ANXA6: variants seen among roughly 807,000 people sequenced by gnomAD.
ANXA6 encodes 67 kDa calelectrin.
ANXA6 carries 71 observed loss-of-function variants against 95.4 expected under a neutral mutation model. The observed-to-expected ratio is 0.74, with a 90% CI of 0.61 to 0.91. ANXA6 has a LOEUF of 0.91. ANXA6 is among the 40% of genes least tolerant of loss of function. The pLI is 0.00. For missense variants in ANXA6, 830 were observed against 876.4 expected (o/e 0.95, Z 0.67); for synonymous variants, 289 against 315.9 (o/e 0.91, Z 0.90).
At chr5:151,149,497 T>A (rs960023075) in intron 1 of ANXA6, among the ~76,000 whole-genome samples, 2 of 151,896 alleles carry the variant, frequency 1.3e-5, no homozygotes, top group Non-Finnish European at 2.9e-5. Context: ...ATTTGATCTC[T>A]TTTTTTTGAG....
chr5:151,135,857 C>T (rs1221896007), intron 7 of ANXA6, among the ~76,000 whole-genome samples: 1 of 152,172 alleles, frequency 6.6e-6, no homozygotes, highest in African/African-American at 2.4e-5. Flanking sequence ...TTGAATTCAG[C>T]CACAGACACC....
intron 2 of ANXA6, 96 bp from the exon 3 acceptor site, chr5:151,140,339 T>G: frequency 9.6e-7 from 1 of 1,046,308 alleles, no homozygotes; most frequent in Non-Finnish European, 1.4e-6. Context: ...TGGTCCAGGC[T>G]GAGCTGCTTT....
Position 151,132,566 on chromosome 5 carries a change from C to T in ANXA6, c.646G>A (p.Asp216Asn), listed in dbSNP as rs774869263. 3.7e-6 allele frequency: 6 copies of T among 1,612,332 alleles called. No individual in the cohort carries two copies. The highest frequency in any genetic ancestry group is 2.2e-5 in the South Asian group (2 of 90,640). ...TTCCCTGTGGTCTTCAGATACTCAT[C>T]GAACACTGCGTCAGACAGAGAGACA... ...RSKQHLRLVF[D>N]EYLKTTGKPI... The change falls in exon 10 of 26, where the codon GAT (aspartate) becomes AAT (asparagine). Residue 216 changes from aspartate (D) to asparagine (N), a missense_variant. Physicochemically the swap from Asp to Asn is conservative, Grantham distance 23. Transcript: ENST00000354546.
At chr5:151,117,433 T>C (rs1765033343) in intron 19 of ANXA6, among the ~76,000 whole-genome samples, 1 of 152,180 alleles carries the variant, frequency 6.6e-6, no homozygotes, top group Admixed American at 6.5e-5. Context: ...ATTTTGGTTA[T>C]GGGAATTCAA....
chr5:151,140,325 AC>A (rs1209962073), intron 2 of ANXA6, 82 bp from the exon 3 acceptor site: 2 of 1,180,056 alleles, frequency 1.7e-6, no homozygotes, highest in Non-Finnish European at 2.5e-6. Context: ...TCAGATGCCT[AC>A]CCTGGTCCAG....
chr5:151,110,330 T>C (rs1201520930), intron 21 of ANXA6, among the ~76,000 whole-genome samples: 1 of 151,790 alleles, frequency 6.6e-6, no homozygotes, highest in Non-Finnish European at 1.5e-5. Context: ...TAGCTACTAG[T>C]TCTATTTATA....
At chr5:151,121,848 G>T (rs557135634) in intron 17 of ANXA6, among the ~76,000 whole-genome samples, 1 of 152,312 alleles carries the variant, frequency 6.6e-6, no homozygotes, top group East Asian at 1.9e-4. Context: ...TGGCGGGATG[G>T]ACATATGCCA....
At chr5:151,115,379 C>T (rs1438415437) in intron 20 of ANXA6, among the ~76,000 whole-genome samples, 1 of 152,132 alleles carries the variant, frequency 6.6e-6, no homozygotes, top group East Asian at 1.9e-4. Flanking sequence ...GGAGAAGCAG[C>T]CGAGTTGGGC....
At chr5:151,134,177 A>C (rs9324677) in intron 8 of ANXA6, among the ~76,000 whole-genome samples, 90,645 of 152,150 alleles carry the variant, frequency 0.6, 27,602 homozygotes, top group African/African-American at 0.73. Flanking sequence ...TAATATCTAA[A>C]AACTGAATGA....
intron 18 of ANXA6, among the ~76,000 whole-genome samples, chr5:151,118,214 C>A (rs1414814481): frequency 2.0e-5 from 3 of 151,762 alleles, no homozygotes; most frequent in Non-Finnish European, 4.4e-5. Context: ...CTCCTGTACT[C>A]AAAAATTCTG....
chr5:151,117,221 G>T, intron 19 of ANXA6, 41 bp from the exon 20 acceptor site: 1 of 1,548,506 alleles, frequency 6.5e-7, no homozygotes, highest in Non-Finnish European at 8.8e-7. Flanking sequence ...CCCAAACATC[G>T]ACCCATCTCC....
intron 20 of ANXA6, among the ~76,000 whole-genome samples, chr5:151,113,387 G>A (rs1243035442): frequency 6.6e-6 from 1 of 151,926 alleles, no homozygotes; most frequent in Non-Finnish European, 1.5e-5. Context: ...GGCAACAAGA[G>A]GAAAACTCCA....
At chr5:151,140,594 A>ATATAAATATATATATATATT (rs1765805418) in intron 2 of ANXA6, 18 of 141,614 alleles carry the variant, frequency 1.3e-4, no homozygotes, top group African/African-American at 5.2e-4. Context: ...ATATATATAT[A>ATATAAATATATATATATATT]TATATATATA....
At chr5:151,155,922 G>A (rs1421583153) in intron 1 of ANXA6, among the ~76,000 whole-genome samples, 1 of 152,192 alleles carries the variant, frequency 6.6e-6, no homozygotes, top group East Asian at 1.9e-4. Flanking sequence ...CAGTGCGGAT[G>A]TGCCAGTCAC....
intron 23 of ANXA6, among the ~76,000 whole-genome samples, chr5:151,106,259 G>A (rs978782946): frequency 4.6e-5 from 7 of 152,098 alleles, no homozygotes; most frequent in Admixed American, 4.6e-4. Flanking sequence ...CAAGGCTCCA[G>A]AGCCCACGCA....
chr5:151,114,605 C>T (rs1195431972), intron 20 of ANXA6, among the ~76,000 whole-genome samples: 2 of 89,128 alleles, frequency 2.2e-5, no homozygotes, highest in Admixed American at 1.6e-4. Flanking sequence ...CAGAGCGAGA[C>T]TCCGTCTTAA....
chr5:151,151,180 T>C (rs952829915), intron 1 of ANXA6: 1 of 152,356 alleles, frequency 6.6e-6, no homozygotes, highest in African/African-American at 2.4e-5. Context: ...CCCCTGCTGA[T>C]TCCACAGCCC....
At chr5:151,116,038 T>C (rs1423804799) in intron 20 of ANXA6, among the ~76,000 whole-genome samples, 1 of 152,222 alleles carries the variant, frequency 6.6e-6, no homozygotes, top group Non-Finnish European at 1.5e-5. Context: ...TAAAAACGTA[T>C]AGAATAATCT....
At position 151,123,030 on chromosome 5, in the gene ANXA6, A is replaced by G. The variant is rs774101018; in HGVS notation, c.1139-19T>C. On this transcript the variant is annotated intron_variant, in intron 15 of 25. Coordinates refer to ENST00000354546, the MANE Select transcript of ANXA6 (RefSeq NM_001155.5). ...TCAGTCCCTGAGTCACCAAAGCCAC[A>G]TGCCTCAGAAGAAGGCCTGTGGCTC... The G allele has an allele frequency of 1.2e-6, 2 of 1,608,216 alleles. No individual in the cohort carries two copies. Among genetic ancestry groups the G allele is most frequent in the Non-Finnish European group, 1.7e-6 (2 of 1,175,994 alleles).
Sources: allele counts gnomAD v4.1 joint callset (sites outside exome capture counted in the v4.1 genomes callset), GRCh38; gene constraint gnomAD v4.1.1; transcripts MANE v1.5; gene names NCBI Gene and HGNC (gene_info 2026-07-23, HGNC 2026-07-21).